The following LAMA4 variants were observed in gnomAD, a reference collection of about 807,000 sequenced individuals.
The protein encoded by LAMA4 is laminin subunit alpha-4.
In LAMA4, 127 loss-of-function variants were observed where a neutral mutation model predicts 207.1. The ratio of observed to expected loss-of-function variants is 0.61; its 90% CI spans 0.53 to 0.71. LAMA4 has a LOEUF of 0.71. LAMA4 is among the 30% of genes least tolerant of loss of function. LAMA4 has a pLI of 0.00. For missense variants in LAMA4, 2,093 were observed against 2,246.5 expected, an observed-to-expected ratio of 0.93 and a Z score of 1.38; for synonymous variants, 761 against 816.0, an observed-to-expected ratio of 0.93 and a Z score of 1.15.
In LAMA4 at chr6:112,185,329, C is replaced by G. The variant is rs1554346363; in HGVS notation, c.985G>C (p.Glu329Gln). The stretch of plus-strand genomic sequence containing the variant: ...ATCTTTCTTAGGGCGTATTGGTTTT[C>G]TCTTTCTGACAATTTTGTCTGCAGA... ...YLLKTKLSER[E>Q]NQYALRKIQI... Residue 329 changes from glutamate (E) to glutamine (Q), a missense_variant, in exon 9 of 39, where the codon GAA (glutamate) becomes CAA (glutamine). Physicochemically the swap from Glu to Gln is conservative, Grantham distance 29. Transcript: ENST00000230538. 27 of 1,609,392 alleles carry G rather than the reference C, an allele frequency of 1.7e-5. No homozygotes were observed. Among genetic ancestry groups the G allele is most frequent in the Non-Finnish European group, 2.3e-5 (27 of 1,175,782 alleles).
chr6:112,229,457 CT>C lies in LAMA4; in HGVS notation c.196-12989del, dbSNP rs1211374541. ...CCATTTCAAAAAGTTGAGTTCAACT[CT>C]TTGAAGTCATCTCTTGCAAGATAAT... On this transcript the variant is annotated intron_variant, in intron 2 of 38. Transcript: ENST00000230538. Among the ~76,000 whole-genome samples, 12 of 152,306 alleles carry C rather than the reference CT, an allele frequency of 7.9e-5. No individual in the cohort carries two copies. In the South Asian group the frequency reaches 2.5e-3, roughly 32 times the overall value.
At chr6:112,239,083 G>T (rs1003626510) in intron 2 of LAMA4, among the ~76,000 whole-genome samples, 1 of 152,170 alleles carries the variant, frequency 6.6e-6, no homozygotes, top group South Asian at 2.1e-4. Context: ...CATTTTGGGA[G>T]ATCGAGGCAG....
At chr6:112,202,225 C>T (rs1783791628) in intron 4 of LAMA4, among the ~76,000 whole-genome samples, 1 of 152,104 alleles carries the variant, frequency 6.6e-6, no homozygotes, top group African/African-American at 2.4e-5. Flanking sequence ...AAACATAGGA[C>T]CCACCATAAA....
At position 112,122,121 on chromosome 6, in the gene LAMA4, A is replaced by G. The variant is rs782164231; in HGVS notation, c.4368T>C (p.His1456=). ...CTCTAGGGCTGTTGGAAAGGTGGCAATGAGAGTTTCTTGGAGTATTCCGCT... is the reference window on the plus strand; with the variant it reads ...CTCTAGGGCTGTTGGAAAGGTGGCAGTGAGAGTTTCTTGGAGTATTCCGCT... The part of the protein sequence containing the change: ...LPERNTPRNS[H]CHLSNSPRAI... Residue 1456 remains histidine, a synonymous_variant, in exon 32 of 39, where the codon CAT becomes CAC. Transcript: ENST00000230538. 4 of 1,613,764 alleles carry G rather than the reference A, an allele frequency of 2.5e-6. No individual in the cohort carries two copies. The East Asian group carries it at 8.9e-5, about 36-fold the overall frequency.
intron 2 of LAMA4, among the ~76,000 whole-genome samples, chr6:112,239,848 G>A (rs1198280419): frequency 6.6e-6 from 1 of 152,112 alleles, no homozygotes; most frequent in Non-Finnish European, 1.5e-5. Flanking sequence ...CGGATCACGA[G>A]GTCATGAGAT....
chr6:112,202,443 G>GT (rs781857527), intron 4 of LAMA4, among the ~76,000 whole-genome samples: 39 of 149,984 alleles, frequency 2.6e-4, no homozygotes, highest in African/African-American at 5.9e-4. Flanking sequence ...GGGGCATAGG[G>GT]GTGTGTGTGT....
chr6:112,155,661 C>G lies in LAMA4; in HGVS notation c.1863G>C (p.Leu621Phe). The change falls in exon 15 of 39, where the codon TTG becomes TTC. Residue 621 changes from leucine (L) to phenylalanine (F), a missense_variant. Leu to Phe is a conservative substitution (Grantham distance 22, BLOSUM62 0). This residue lies in a region of LAMA4 where 1,704 missense variants were observed against 1,788.4 expected (regional missense o/e 0.95). Coordinates refer to ENST00000230538, the MANE Select transcript of LAMA4 (RefSeq NM_001105206.3). ...SDMNGLVQKA[L>F]DASNVYENIV... Reference sequence around the variant, plus strand: ...TATTTTCATAGACATTTGATGCATCCAAAGCCTTCTGTACCAGCCCGTTCA... The same window carrying G: ...TATTTTCATAGACATTTGATGCATCGAAAGCCTTCTGTACCAGCCCGTTCA... 1 of 1,614,044 alleles carries G rather than the reference C, an allele frequency of 6.2e-7. No homozygotes were observed. The highest frequency in any genetic ancestry group is 8.5e-7 in the Non-Finnish European group (1 of 1,179,904).
chr6:112,229,561 G>C (rs781875953), intron 2 of LAMA4, among the ~76,000 whole-genome samples: 2 of 152,096 alleles, frequency 1.3e-5, no homozygotes, highest in East Asian at 1.9e-4. Flanking sequence ...ACAAAATTTC[G>C]CATGGTCTCA....
chr6:112,246,825 T>G (rs1358595704), intron 2 of LAMA4, among the ~76,000 whole-genome samples: 11 of 152,196 alleles, frequency 7.2e-5, no homozygotes, highest in Admixed American at 3.9e-4. Context: ...CAGCTGCTGT[T>G]GGCTTTTTTC....
At chr6:112,183,690 C>A (rs1188002274) in intron 9 of LAMA4, among the ~76,000 whole-genome samples, 3 of 152,030 alleles carry the variant, frequency 2.0e-5, no homozygotes, top group Non-Finnish European at 4.4e-5. Context: ...GTGGTTCATG[C>A]CTGTAATCCT....
At chr6:112,145,014 A>T in intron 18 of LAMA4, 81 bp from the exon 19 acceptor site, 3 of 1,242,820 alleles carry the variant, frequency 2.4e-6, no homozygotes, top group Non-Finnish European at 3.4e-6. Context: ...ATAAACATGG[A>T]TTACATATGG....
chr6:112,203,291 CTTTG>C (rs145806845), intron 4 of LAMA4, among the ~76,000 whole-genome samples: 96 of 152,282 alleles, frequency 6.3e-4, no homozygotes, highest in African/African-American at 2.3e-3. Flanking sequence ...AGACTCGGCC[CTTTG>C]TTTGCTTAAT....
intron 2 of LAMA4, among the ~76,000 whole-genome samples, chr6:112,239,215 G>A (rs1218379515): frequency 6.6e-6 from 1 of 151,324 alleles, no homozygotes; most frequent in African/African-American, 2.4e-5. Flanking sequence ...CAGCTACTTG[G>A]GAGGCTGAGG....
chr6:112,161,252 T>C (rs1414802520), intron 13 of LAMA4, among the ~76,000 whole-genome samples: 1 of 152,208 alleles, frequency 6.6e-6, no homozygotes, highest in Non-Finnish European at 1.5e-5. Flanking sequence ...CATTCATGTG[T>C]CAAATGATTG....
rs782350692 is a variant in LAMA4, at chr6:112,108,419, C to A, written c.*1018G>T. ...AGTTGTGTTGCAGGTATGTGGAGAGCACACTTTGTTTTTGAGACAGGATCT... is the reference window on the plus strand; with the variant it reads ...AGTTGTGTTGCAGGTATGTGGAGAGAACACTTTGTTTTTGAGACAGGATCT... On this transcript the variant is annotated 3_prime_UTR_variant, in exon 39 of 39. Coordinates refer to ENST00000230538, the MANE Select transcript of LAMA4 (RefSeq NM_001105206.3). Among the ~76,000 whole-genome samples the A allele has an allele frequency of 3.3e-5, 5 of 152,052 alleles. No individual in the cohort carries two copies. The highest frequency in any genetic ancestry group is 6.6e-5 in the Admixed American group (1 of 15,256).
At chr6:112,130,135 A>G in intron 29 of LAMA4, 95 bp from the exon 30 acceptor site, 1 of 1,009,082 alleles carries the variant, frequency 9.9e-7, no homozygotes, top group East Asian at 2.4e-5. Context: ...ATGAAATTGA[A>G]ATGGAACATG....
chr6:112,142,298 G>A lies in LAMA4; in HGVS notation c.2494-6C>T, dbSNP rs782072541. ...AACATCATGGAGACTTGGATCTGGA[G>A]TGACACAACGGTTTCATTAAAAGTG... On this transcript the variant is annotated splice_region_variant and splice_polypyrimidine_tract_variant and intron_variant, in intron 19 of 38. Coordinates refer to ENST00000230538, the MANE Select transcript of LAMA4 (RefSeq NM_001105206.3). The A allele has an allele frequency of 1.1e-5, 17 of 1,613,816 alleles. No homozygotes were observed. The highest frequency in any genetic ancestry group is 4.0e-5 in the African/African-American group (3 of 74,874).
chr6:112,155,241 T>A (rs1780635386), intron 15 of LAMA4: 2 of 562,750 alleles, frequency 3.6e-6, no homozygotes, highest in East Asian at 3.0e-5. Context: ...AATTTTGAGT[T>A]GAAAAAAATA....
Position 112,155,626 on chromosome 6 carries a change from T to C in LAMA4, c.1898A>G (p.Tyr633Cys), listed in dbSNP as rs782583435. ...ASNVYENIVN[Y>C]VSEANETAEF... is the part of the protein sequence containing the mutation. ...TGCTGTTTCATTGGCTTCACTAACA[T>C]AATTAACAATATTTTCATAGACATT... The change falls in exon 15 of 39, where the codon TAT (tyrosine) becomes TGT (cysteine). Residue 633 changes from tyrosine (Y) to cysteine (C), a missense_variant. Around this residue, in one of 3 missense-constraint regions of LAMA4, gnomAD observed 1,704 missense variants for 1,788.4 expected, o/e 0.95. Coordinates refer to ENST00000230538, the MANE Select transcript of LAMA4 (RefSeq NM_001105206.3). 1 of 1,614,064 alleles carries C rather than the reference T, an allele frequency of 6.2e-7. No homozygotes were observed. Among genetic ancestry groups the C allele is most frequent in the Non-Finnish European group, 8.5e-7 (1 of 1,179,906 alleles).
Sources: allele counts gnomAD v4.1 joint callset (sites outside exome capture counted in the v4.1 genomes callset), GRCh38; gene constraint gnomAD v4.1.1; regional missense constraint gnomAD v4.1.1; transcripts MANE v1.5; gene names NCBI Gene and HGNC (gene_info 2026-07-23, HGNC 2026-07-21).